The following PDE10A variants were observed in gnomAD, a reference collection of about 807,000 sequenced individuals.
PDE10A encodes phosphodiesterase 10A.
In PDE10A, 39 loss-of-function variants were observed where a neutral mutation model predicts 97.7. The observed-to-expected ratio is 0.40, with a 90% CI of 0.31 to 0.52. PDE10A has a LOEUF of 0.52. Among genes scored for constraint, PDE10A ranks in the 20% least tolerant of loss-of-function variants. The pLI is 0.56. For missense variants in PDE10A, 731 were observed against 1,047.8 expected (o/e 0.70, Z 4.17); for synonymous variants, 371 against 376.8 (o/e 0.98, Z 0.18).
At chr6:165,853,499 G>A (rs1265830499) in intron 1 of PDE10A, among the ~76,000 whole-genome samples, 1 of 152,170 alleles carries the variant, frequency 6.6e-6, no homozygotes, top group African/African-American at 2.4e-5. Context: ...TTATATCAGA[G>A]TCATTCACGA....
At chr6:165,535,446 A>T (rs1783024148) in intron 2 of PDE10A, among the ~76,000 whole-genome samples, 1 of 151,626 alleles carries the variant, frequency 6.6e-6, no homozygotes, top group African/African-American at 2.4e-5. Context: ...ATATTATTTA[A>T]CTCCTACTTA....
intron 1 of PDE10A, among the ~76,000 whole-genome samples, chr6:165,846,427 C>T (rs1393966973): frequency 6.6e-6 from 1 of 152,252 alleles, no homozygotes; most frequent in Non-Finnish European, 1.5e-5. Flanking sequence ...GGCAAACACG[C>T]AATCCTAGAG....
chr6:165,710,773 C>T (rs1183055321), intron 1 of PDE10A, among the ~76,000 whole-genome samples: 3 of 152,170 alleles, frequency 2.0e-5, no homozygotes, highest in Non-Finnish European at 4.4e-5. Flanking sequence ...CTGTATTAAT[C>T]AAGAAAGTAC....
intron 3 of PDE10A, among the ~76,000 whole-genome samples, chr6:165,454,990 T>C (rs1388459579): frequency 6.6e-6 from 1 of 152,146 alleles, no homozygotes. Context: ...AGAATCCTAC[T>C]ATGCCACCAA....
Position 165,392,748 on chromosome 6 carries a change from GTTC to G in PDE10A, c.2349_2351del (p.Lys783del). On this transcript the variant is annotated inframe_deletion, in exon 16 of 22. Coordinates refer to ENST00000539869, the MANE Select transcript of PDE10A (RefSeq NM_001385079.1). The stretch of plus-strand genomic sequence containing the variant: ...AGTTGTGATAAGGAACCCGCCGATA[GTTC>G]TTCTTCACAGACATAATAAAACGAC... 2 of 1,613,914 alleles carry G rather than the reference GTTC, an allele frequency of 1.2e-6. No individual in the cohort carries two copies. The highest frequency in any genetic ancestry group is 1.7e-6 in the Non-Finnish European group (2 of 1,179,808).
chr6:165,681,573 G>A (rs1347197396), intron 1 of PDE10A, among the ~76,000 whole-genome samples: 1 of 152,156 alleles, frequency 6.6e-6, no homozygotes, highest in African/African-American at 2.4e-5. Context: ...AGGGGATACC[G>A]ATGCTGCCGG....
chr6:165,536,499 G>A (rs564499747), intron 2 of PDE10A, among the ~76,000 whole-genome samples: 1 of 151,500 alleles, frequency 6.6e-6, no homozygotes, highest in South Asian at 2.1e-4. Context: ...AGCAAACAAA[G>A]TGAAGAGACA....
chr6:165,504,783 C>G (rs1488937668), intron 2 of PDE10A, among the ~76,000 whole-genome samples: 2 of 152,126 alleles, frequency 1.3e-5, no homozygotes, highest in Non-Finnish European at 2.9e-5. Flanking sequence ...TGGCAGATAT[C>G]ATAATTGGCT....
chr6:165,656,815 G>A (rs1027037193), intron 1 of PDE10A, among the ~76,000 whole-genome samples: 1 of 152,172 alleles, frequency 6.6e-6, no homozygotes, highest in African/African-American at 2.4e-5. Flanking sequence ...ACTGTCTGCA[G>A]AGCGCCCTAC....
Position 165,388,179 on chromosome 6 carries a change from A to G in PDE10A, c.2610+119T>C, listed in dbSNP as rs576379600. Reference sequence around the variant, plus strand: ...ATGACTATAAATATAAGGTTCTACAATAAAAAGTAGCTGTTGCTTTTAAGG... The same window carrying G: ...ATGACTATAAATATAAGGTTCTACAGTAAAAAGTAGCTGTTGCTTTTAAGG... On this transcript the variant is annotated intron_variant, in intron 17 of 21. Coordinates refer to ENST00000539869, the MANE Select transcript of PDE10A (RefSeq NM_001385079.1). The surrounding 1 kb of genome is among the most constrained non-coding windows in gnomAD (Gnocchi z 4.0). The G allele has an allele frequency of 1.7e-4, 137 of 809,458 alleles. No individual in the cohort carries two copies. The South Asian group carries it at 1.9e-3, about 11-fold the overall frequency. 50.1% of individuals were successfully genotyped at this position (809,458 alleles called of 1,614,324 possible). A position where few individuals can be genotyped will look rare whatever the true frequency, so the allele number is the denominator to read the frequency against.
At chr6:165,663,483 C>T (rs1790401380), upstream of PDE10A, among the ~76,000 whole-genome samples, 1 of 152,238 alleles carries the variant, frequency 6.6e-6, no homozygotes, top group African/African-American at 2.4e-5. Context: ...TCCAGCTGTG[C>T]GCTGCTGGGC....
At chr6:165,766,304 G>A (rs1333832867) in intron 1 of PDE10A, among the ~76,000 whole-genome samples, 2 of 152,202 alleles carry the variant, frequency 1.3e-5, no homozygotes, top group Non-Finnish European at 1.5e-5. Context: ...CTAGAAAGAG[G>A]AAGCTTTCGA....
intron 16 of PDE10A, 36 bp downstream of exon 16, chr6:165,392,610 G>A (rs1429156708): frequency 6.3e-7 from 1 of 1,587,224 alleles, no homozygotes; most frequent in Non-Finnish European, 8.6e-7. Context: ...AATCCACTGA[G>A]GTTACGAGAA....
chr6:165,523,122 A>G (rs1000824986), intron 2 of PDE10A, among the ~76,000 whole-genome samples: 35 of 152,148 alleles, frequency 2.3e-4, no homozygotes, highest in Non-Finnish European at 3.4e-4. Context: ...AAATGATTAC[A>G]TAACACAGAG....
rs190392872 is a variant in PDE10A, at chr6:165,590,763, C to A, written c.866-47195G>T. ...AAAATAAGCCGGGCATGGTGGCGGG[C>A]GCCTGTAGTCCCAGCTACTCAGGAG... On this transcript the variant is annotated intron_variant, in intron 1 of 21. Transcript: ENST00000539869. Among the ~76,000 whole-genome samples the A allele has an allele frequency of 2.0e-5, 3 of 152,040 alleles. No individual in the cohort carries two copies. The East Asian group carries it at 5.8e-4, about 29-fold the overall frequency.
At chr6:165,974,952 G>A (rs761312922) in intron 1 of PDE10A, among the ~76,000 whole-genome samples, 45 of 152,148 alleles carry the variant, frequency 3.0e-4, no homozygotes, top group Non-Finnish European at 1.0e-4. Flanking sequence ...GGGATATTTT[G>A]GCTGGGTTAA....
chr6:165,521,470 G>A (rs1185219693), intron 2 of PDE10A, among the ~76,000 whole-genome samples: 1 of 152,186 alleles, frequency 6.6e-6, no homozygotes, highest in African/African-American at 2.4e-5. Context: ...TCTTGCACTA[G>A]TTAGCCACGT....
At position 165,662,730 on chromosome 6, in the gene PDE10A, C is replaced by G. The variant is rs1790350408; in HGVS notation, c.82G>C (p.Gly28Arg). Residue 28 changes from glycine to arginine, a missense_variant, in exon 1 of 22, where the codon GGC becomes CGC. Physicochemically the swap from Gly to Arg is moderately radical, Grantham distance 125. This residue lies in a region of PDE10A where 181 missense variants were observed against 159.1 expected (regional missense o/e 1.14). Coordinates refer to ENST00000539869, the MANE Select transcript of PDE10A (RefSeq NM_001385079.1). Reference sequence around the variant, plus strand: ...AGCCGGGGTTCCGGGCGGAGTTTGCCGGGGCCGCAGCCCGGCTCGTCCCCG... The same window carrying G: ...AGCCGGGGTTCCGGGCGGAGTTTGCGGGGGCCGCAGCCCGGCTCGTCCCCG... The part of the protein sequence containing the change: ...AAGDEPGCGP[G>R]KLRPEPRLSA... Among the ~76,000 whole-genome samples the G allele has an allele frequency of 6.8e-6, 1 of 148,072 alleles. No homozygotes were observed. The highest frequency in any genetic ancestry group is 2.0e-4 in the East Asian group (1 of 4,886).
intron 1 of PDE10A, among the ~76,000 whole-genome samples, chr6:165,922,123 A>C (rs1176134594): frequency 6.6e-6 from 1 of 152,258 alleles, no homozygotes; most frequent in Non-Finnish European, 1.5e-5. Flanking sequence ...AAAGCAGTCA[A>C]AGACAACCTC....
Sources: gnomAD v4.1 joint callset for allele counts (sites outside exome capture counted in the v4.1 genomes callset) on GRCh38, gnomAD v4.1.1 for gene constraint, gnomAD v4.1.1 regional missense constraint, Gnocchi (gnomAD v3.1) non-coding constraint, MANE v1.5 for transcripts, NCBI Gene and HGNC (gene_info 2026-07-23, HGNC 2026-07-21) for gene names.